The following RTL4 variants were observed in gnomAD, a reference collection of about 807,000 sequenced individuals.
RTL4 encodes the protein retrotransposon Gag-like protein 4.
RTL4 carries 4 observed loss-of-function variants against 5.3 expected under a neutral mutation model. The observed-to-expected ratio is 0.75, with a 90% confidence interval of 0.37 to 1.72. The LOEUF is 1.72. Ranked by LOEUF, RTL4 falls within the 40% of genes most tolerant of loss-of-function variation. RTL4 has a pLI of 0.04. For missense variants in RTL4, 260 were observed against 227.1 expected, an observed-to-expected ratio of 1.14 and a Z score of -0.93; for synonymous variants, 98 against 87.3, an observed-to-expected ratio of 1.12 and a Z score of -0.68.
the RTL4 span, among the ~76,000 whole-genome samples, chrX:112,261,924 A>C: frequency 8.9e-6 from 1 of 111,830 alleles, no homozygotes; most frequent in Non-Finnish European, 1.9e-5. Context: ...ACAAACCTGA[A>C]AAAAACAAGC....
At chrX:112,298,222 ATTTATTG>A in the RTL4 span, among the ~76,000 whole-genome samples, 1 of 112,184 alleles carries the variant, frequency 8.9e-6, no homozygotes, top group African/African-American at 3.2e-5. Context: ...TTTAGCTTAT[ATTTATTG>A]TCTACTATGT....
At chrX:112,213,539 T>A in the RTL4 span, among the ~76,000 whole-genome samples, 1 of 112,585 alleles carries the variant, frequency 8.9e-6, no homozygotes, top group South Asian at 3.6e-4. Context: ...CATATTTTGT[T>A]TTATTTGTAC....
At chrX:112,376,814 C>T in the RTL4 span, among the ~76,000 whole-genome samples, 1 of 112,223 alleles carries the variant, frequency 8.9e-6, no homozygotes, top group African/African-American at 3.2e-5. Context: ...AAGCAGTTTG[C>T]ATTCGGTTGA....
the RTL4 span, among the ~76,000 whole-genome samples, chrX:112,198,227 A>G: frequency 2.7e-5 from 3 of 111,406 alleles, no homozygotes; most frequent in African/African-American, 9.9e-5. Flanking sequence ...TTTCTAACAC[A>G]TATCAGAGTT....
the RTL4 span, among the ~76,000 whole-genome samples, chrX:112,194,695 A>C: frequency 8.9e-6 from 1 of 112,251 alleles, no homozygotes; most frequent in African/African-American, 3.2e-5. Flanking sequence ...CTTCCAGAGC[A>C]GAGTGGGAAC....
chrX:112,283,532 C>T, the RTL4 span, among the ~76,000 whole-genome samples: 1 of 111,151 alleles, frequency 9.0e-6, no homozygotes, highest in Non-Finnish European at 1.9e-5. Context: ...GTTATGGTAT[C>T]ACCAACAGGA....
the RTL4 span, among the ~76,000 whole-genome samples, chrX:112,094,030 T>C: frequency 8.9e-6 from 1 of 111,906 alleles, no homozygotes; most frequent in Non-Finnish European, 1.9e-5. Flanking sequence ...AGGAGACTTA[T>C]ATGACTAGGA....
the RTL4 span, among the ~76,000 whole-genome samples, chrX:112,266,741 A>G: frequency 9.0e-6 from 1 of 110,595 alleles, no homozygotes; most frequent in African/African-American, 3.3e-5. Context: ...TTTGGTATGG[A>G]CTCTCAGCCC....
the RTL4 span, among the ~76,000 whole-genome samples, chrX:112,268,023 T>C: frequency 2.7e-5 from 3 of 111,308 alleles, no homozygotes; most frequent in African/African-American, 9.8e-5. Flanking sequence ...TTTTGAAACA[T>C]AAGCCAAGTC....
the RTL4 span, among the ~76,000 whole-genome samples, chrX:112,374,533 G>GATTAGT: frequency 1.8e-5 from 2 of 111,659 alleles, no homozygotes; most frequent in Admixed American, 1.9e-4. Context: ...CCACAAAAAA[G>GATTAGT]TACCTGCTGC....
At chrX:112,303,748 A>C in the RTL4 span, among the ~76,000 whole-genome samples, 1 of 105,497 alleles carries the variant, frequency 9.5e-6, no homozygotes, top group South Asian at 4.2e-4. Flanking sequence ...CCTAAAACTT[A>C]AAGTATAATA....
chrX:112,402,398 TA>T, the RTL4 span, among the ~76,000 whole-genome samples: 3 of 80,008 alleles, frequency 3.7e-5, no homozygotes, highest in South Asian at 2.3e-3. Flanking sequence ...GCGGAATTAT[TA>T]TTGTGTGTGT....
At chrX:112,337,374 C>T in the RTL4 span, among the ~76,000 whole-genome samples, 2 of 111,249 alleles carry the variant, frequency 1.8e-5, no homozygotes, top group South Asian at 7.7e-4. Context: ...ACCTCTGCCT[C>T]CTGGGTTCAA....
At chrX:112,343,818 T>G in the RTL4 span, among the ~76,000 whole-genome samples, 71 of 111,492 alleles carry the variant, frequency 6.4e-4, no homozygotes, top group Admixed American at 4.8e-4. Context: ...CCTTGTCCCT[T>G]TTCTTGTGTT....
chrX:112,227,155 T>G, the RTL4 span, among the ~76,000 whole-genome samples: 1 of 111,017 alleles, frequency 9.0e-6, no homozygotes, highest in Non-Finnish European at 1.9e-5. Flanking sequence ...TGCCAGCACA[T>G]GCAGAAGTTA....
chrX:112,128,659 C>CAAAAAAAAAAAAAAAA, the RTL4 span, among the ~76,000 whole-genome samples: 4 of 41,126 alleles, frequency 9.7e-5, no homozygotes, highest in Non-Finnish European at 2.2e-4. Flanking sequence ...CTCTGTCTCA[C>CAAAAAAAAAAAAAAAA]AAAAAAAAAA....
At chrX:112,125,495 G>T in the RTL4 span, among the ~76,000 whole-genome samples, 6 of 111,854 alleles carry the variant, frequency 5.4e-5, no homozygotes, top group Non-Finnish European at 9.4e-5. Context: ...TGGATTATCT[G>T]ATTTGTTAGT....
chrX:112,175,556 A>G, the RTL4 span, among the ~76,000 whole-genome samples: 208 of 108,722 alleles, frequency 1.9e-3, 2 homozygotes, highest in Admixed American at 0.016. Context: ...TTGACTTGGC[A>G]ATGCGGGCTC....
the RTL4 span, among the ~76,000 whole-genome samples, chrX:112,246,807 C>A: frequency 9.0e-6 from 1 of 111,307 alleles, no homozygotes. Context: ...GCATTGATCA[C>A]GCTGGGAGCT....
Sources: allele counts gnomAD v4.1 joint callset (sites outside exome capture counted in the v4.1 genomes callset), GRCh38; gene constraint gnomAD v4.1.1; transcripts MANE v1.5; gene names NCBI Gene and HGNC (gene_info 2026-07-23, HGNC 2026-07-21).